The following SIGLEC8 variants were observed in gnomAD, a reference collection of about 807,000 sequenced individuals.
The protein encoded by SIGLEC8 is sialic acid-binding Ig-like lectin 8.
A neutral mutation model predicts 42.1 loss-of-function variants in SIGLEC8; 32 were observed. The observed-to-expected ratio is 0.76, with a 90% CI of 0.57 to 1.02. The LOEUF (loss-of-function observed/expected upper bound fraction) is 1.02, where lower values mean the gene tolerates loss of function less well. Among genes scored for constraint, SIGLEC8 ranks in the 50% least tolerant of loss-of-function variants. The probability of loss-of-function intolerance (pLI) is 0.00; values close to 1 mark genes in which losing one functional copy is unlikely to be tolerated. For synonymous variants in SIGLEC8, 262 were observed against 260.3 expected (o/e 1.01, Z -0.06); for missense variants, 611 against 610.2 (o/e 1.00, Z -0.01).
chr19:51,458,375 G>T lies in SIGLEC8; in HGVS notation c.13C>A (p.Leu5Met), dbSNP rs1366668041. MLLLLLLLPLLWGTK... is the reference protein window; with the variant it reads MLLLMLLLPLLWGTK... Reference sequence around the variant, plus strand: ...CCCCAGAGCAGGGGCAGCAGCAGCAGCAGCAGCAGCATGTCTGGGTTTGAA... The same window carrying T: ...CCCCAGAGCAGGGGCAGCAGCAGCATCAGCAGCAGCATGTCTGGGTTTGAA... The change falls in exon 1 of 7, where the codon CTG (leucine) becomes ATG (methionine). Residue 5 changes from leucine to methionine, a missense_variant. Transcript: ENST00000321424. 1 of 1,613,040 alleles carries T rather than the reference G, an allele frequency of 6.2e-7. No individual in the cohort carries two copies. The highest frequency in any genetic ancestry group is 1.1e-5 in the South Asian group (1 of 90,984).
chr19:51,451,427 T>C lies in SIGLEC8; in HGVS notation c.*952A>G, dbSNP rs1221229933. 3 of 152,154 alleles carry C rather than the reference T, an allele frequency of 2.0e-5. No individual in the cohort carries two copies. Among genetic ancestry groups the C allele is most frequent in the Admixed American group, 2.0e-4 (3 of 15,268 alleles). 9.4% of individuals were successfully genotyped at this position (152,154 alleles called of 1,614,324 possible). The stretch of plus-strand genomic sequence containing the variant: ...GGCCTTCATCTCCTCAGTGCACCTG[T>C]CTTGTTCCTGAGACTCTAGGCCATT... On this transcript the variant is annotated 3_prime_UTR_variant, in exon 7 of 7. Coordinates refer to ENST00000321424, the MANE Select transcript of SIGLEC8 (RefSeq NM_014442.3).
chr19:51,451,019 T>G lies in SIGLEC8; in HGVS notation c.*1360A>C, dbSNP rs1989354273. 1 of 152,198 alleles carries G rather than the reference T, an allele frequency of 6.6e-6. No individual in the cohort carries two copies. Among genetic ancestry groups the G allele is most frequent in the South Asian group, 2.1e-4 (1 of 4,836 alleles). 9.4% of individuals were successfully genotyped at this position (152,198 alleles called of 1,614,324 possible). ...GAGTAATTTATAAATGAAAGAGGTG[T>G]AATTGACTCACAGTTCCACATGGCG... On this transcript the variant is annotated 3_prime_UTR_variant, in exon 7 of 7. Transcript: ENST00000321424.
intron 6 of SIGLEC8, chr19:51,453,840 A>G: frequency 4.1e-6 from 4 of 985,362 alleles, no homozygotes; most frequent in Non-Finnish European, 3.6e-6. Context: ...TGGCGTAAGG[A>G]TGACAAGCCG....
intron 1 of SIGLEC8, 57 bp from the exon 2 acceptor site, chr19:51,457,796 GA>G (rs1989533918): frequency 1.9e-6 from 3 of 1,552,434 alleles, no homozygotes; most frequent in African/African-American, 2.7e-5. Flanking sequence ...AGCCCTGGAG[GA>G]AGCTCAAGCT....
intron 4 of SIGLEC8, 58 bp downstream of exon 4, chr19:51,455,360 G>A: frequency 1.9e-6 from 3 of 1,585,510 alleles, no homozygotes; most frequent in South Asian, 1.1e-5. Context: ...AGGGGCAGTG[G>A]GTGGTCCATG....
intron 6 of SIGLEC8, 52 bp from the exon 7 acceptor site, chr19:51,452,685 G>A (rs1326225807): frequency 7.0e-7 from 1 of 1,427,254 alleles, no homozygotes; most frequent in African/African-American, 1.4e-5. Context: ...GCCAGGATGA[G>A]GCAGGGAGAG....
intron 6 of SIGLEC8, chr19:51,453,587 T>C (rs566982708): frequency 2.5e-6 from 1 of 407,654 alleles, no homozygotes; most frequent in Non-Finnish European, 3.3e-6. Context: ...CCTGGCTACT[T>C]GGGAGGCTGA....
chr19:51,451,664 G>A lies in SIGLEC8; in HGVS notation c.*715C>T, dbSNP rs535362424. On this transcript the variant is annotated 3_prime_UTR_variant, in exon 7 of 7. Coordinates refer to ENST00000321424, the MANE Select transcript of SIGLEC8 (RefSeq NM_014442.3). ...TGAGATTTCCACACCCGGATACATC[G>A]TGGAACCATCAAGGCACAATGATTA... 11 of 152,324 alleles carry A rather than the reference G, an allele frequency of 7.2e-5. No homozygotes were observed. The highest frequency in any genetic ancestry group is 1.7e-4 in the African/African-American group (7 of 41,574). The allele number at this position is 152,324 out of a possible 1,614,324, so 9.4% of individuals were successfully genotyped here.
At chr19:51,452,716 G>C (rs1056135040) in intron 6 of SIGLEC8, 83 bp from the exon 7 acceptor site, 7 of 1,290,836 alleles carry the variant, frequency 5.4e-6, no homozygotes, top group Non-Finnish European at 7.1e-6. Flanking sequence ...AGGCCCAGGA[G>C]GTCCGTCCTC....
chr19:51,456,026 G>A (rs1278101284), intron 3 of SIGLEC8, among the ~76,000 whole-genome samples: 1 of 147,426 alleles, frequency 6.8e-6, no homozygotes, highest in Non-Finnish European at 1.5e-5. Flanking sequence ...ACTGAACAAT[G>A]AGAACACATG....
At chr19:51,453,102 T>G (rs959011109) in intron 6 of SIGLEC8, among the ~76,000 whole-genome samples, 6 of 151,886 alleles carry the variant, frequency 4.0e-5, no homozygotes, top group African/African-American at 1.2e-4. Context: ...TTTGGTTTTT[T>G]TTTTGAGACA....
Position 51,454,497 on chromosome 19 carries a change from C to T in SIGLEC8, c.1149-182G>A, listed in dbSNP as rs73933398. ...CTCCTGCCTCATGGATGGTGGGGCC[C>T]GAGGTTGCTACAGATGTGGAGCCCC... On this transcript the variant is annotated intron_variant, in intron 5 of 6. Coordinates refer to ENST00000321424, the MANE Select transcript of SIGLEC8 (RefSeq NM_014442.3). The surrounding 1 kb of genome is among the most constrained non-coding windows in gnomAD (Gnocchi z 4.7). 1.1e-3 allele frequency among the ~76,000 whole-genome samples: 174 copies of T among 152,246 alleles called. No homozygotes were observed. The highest frequency in any genetic ancestry group is 4.0e-3 in the African/African-American group (167 of 41,534).
Position 51,454,307 on chromosome 19 carries a change from G to C in SIGLEC8, c.1157C>G (p.Ser386Cys). ...TGGCCTTGCCGATTTCTTCCTGCAG[G>C]ACCTCACTCTGAGTGAAGAGACCAG... is the stretch of plus-strand genomic sequence containing the variant. ...SFCIIFIIVR[S>C]CRKKSARPAA... The change falls in exon 6 of 7, where the codon TCC (serine) becomes TGC (cysteine). Residue 386 changes from serine to cysteine, a missense_variant. Physicochemically the swap from Ser to Cys is moderately radical, Grantham distance 112. Coordinates refer to ENST00000321424, the MANE Select transcript of SIGLEC8 (RefSeq NM_014442.3). This position sits in a 1 kb window ranked among gnomAD's most constrained non-coding sequence, Gnocchi z 4.7. The C allele has an allele frequency of 6.2e-7, 1 of 1,613,448 alleles. No individual in the cohort carries two copies. The highest frequency in any genetic ancestry group is 1.7e-5 in the Admixed American group (1 of 60,026).
rs1043925679 is a variant in SIGLEC8, at chr19:51,455,503, A to C, written c.966T>G (p.Asp322Glu). Reference protein sequence around the residue: ...LLELPRVHVRDEGEFTCRAQN... With the variant: ...LLELPRVHVREEGEFTCRAQN... ...GAGCTCGGCAGGTGAATTCCCCTTC[A>C]TCCCTCACGTGCACTCGAGGCAGCT... Residue 322 changes from aspartate (D) to glutamate (E), a missense_variant, in exon 4 of 7, where the codon GAT becomes GAG. Physicochemically the swap from Asp to Glu is conservative, Grantham distance 45 (BLOSUM62 2). Coordinates refer to ENST00000321424, the MANE Select transcript of SIGLEC8 (RefSeq NM_014442.3). 5 of 1,614,042 alleles carry C rather than the reference A, an allele frequency of 3.1e-6. No homozygotes were observed. In the South Asian group the frequency reaches 5.5e-5, roughly 18 times the overall value.
chr19:51,455,612 T>C lies in SIGLEC8; in HGVS notation c.857A>G (p.Asn286Ser), dbSNP rs1989471834. 2.5e-6 allele frequency: 4 copies of C among 1,614,114 alleles called. No homozygotes were observed. In the African/African-American group the frequency reaches 4.0e-5, roughly 16 times the overall value. ...GCTCAGCCTGGCAGGGGGATTGCTGTTGACAGCACAGACCAGGCGCAGAGA... is the reference window on the plus strand; with the variant it reads ...GCTCAGCCTGGCAGGGGGATTGCTGCTGACAGCACAGACCAGGCGCAGAGA... Reference protein sequence around the residue: ...GQSLRLVCAVNSNPPARLSWT... With the variant: ...GQSLRLVCAVSSNPPARLSWT... Residue 286 changes from asparagine (N) to serine (S), a missense_variant, in exon 4 of 7, where the codon AAC becomes AGC. Physicochemically the swap from Asn to Ser is conservative, Grantham distance 46. Coordinates refer to ENST00000321424, the MANE Select transcript of SIGLEC8 (RefSeq NM_014442.3).
chr19:51,455,448 G>T lies in SIGLEC8; in HGVS notation c.1021C>A (p.Leu341Met), dbSNP rs764743873. The change falls in exon 4 of 7, where the codon CTG (leucine) becomes ATG (methionine). Residue 341 changes from leucine to methionine, a missense_variant. Coordinates refer to ENST00000321424, the MANE Select transcript of SIGLEC8 (RefSeq NM_014442.3). The stretch of plus-strand genomic sequence containing the variant: ...CCCTCATTCTGCAGGGAGAGGCTCA[G>T]GGAAATGTGCTGGGAGCCCTGAGCG... ...QNAQGSQHIS[L>M]SLSLQNEGTG... is the part of the protein sequence containing the mutation. The T allele has an allele frequency of 5.6e-6, 9 of 1,613,962 alleles. No individual in the cohort carries two copies. The South Asian group carries it at 9.9e-5, about 18-fold the overall frequency.
In SIGLEC8 at chr19:51,454,319, A is replaced by G; in HGVS notation, c.1149-4T>C. 6.2e-7 allele frequency: 1 copy of G among 1,613,172 alleles called. No individual in the cohort carries two copies. On this transcript the variant is annotated splice_polypyrimidine_tract_variant and splice_region_variant and intron_variant, in intron 5 of 6. Coordinates refer to ENST00000321424, the MANE Select transcript of SIGLEC8 (RefSeq NM_014442.3). This position sits in a 1 kb window ranked among gnomAD's most constrained non-coding sequence, Gnocchi z 4.7. The stretch of plus-strand genomic sequence containing the variant: ...TTTCTTCCTGCAGGACCTCACTCTG[A>G]GTGAAGAGACCAGAGAGCCTTTCAG...
intron 6 of SIGLEC8, among the ~76,000 whole-genome samples, chr19:51,453,103 T>C (rs1014714722): frequency 3.3e-5 from 5 of 151,910 alleles, no homozygotes; most frequent in African/African-American, 1.2e-4. Flanking sequence ...TTGGTTTTTT[T>C]TTTGAGACAG....
rs904108327 is a variant in SIGLEC8, at chr19:51,455,288, G to A, written c.1051+130C>T. On this transcript the variant is annotated intron_variant, in intron 4 of 6. Transcript: ENST00000321424. Reference sequence around the variant, plus strand: ...GGAGAGGACAGTGATGCTCTGGGTCGCAGGGAAGTTCCAGGCCTCACAGCT... The same window carrying A: ...GGAGAGGACAGTGATGCTCTGGGTCACAGGGAAGTTCCAGGCCTCACAGCT... 19 of 1,194,288 alleles carry A rather than the reference G, an allele frequency of 1.6e-5. No homozygotes were observed. The East Asian group carries it at 2.5e-4, about 16-fold the overall frequency. The allele number at this position is 1,194,288 out of a possible 1,614,324, so 74.0% of individuals were successfully genotyped here.
Sources: allele counts gnomAD v4.1 joint callset (sites outside exome capture counted in the v4.1 genomes callset), GRCh38; gene constraint gnomAD v4.1.1; non-coding constraint Gnocchi (gnomAD v3.1); transcripts MANE v1.5; gene names NCBI Gene and HGNC (gene_info 2026-07-23, HGNC 2026-07-21).